Variants in DCLRE1C observed in about 807,000 individuals in gnomAD.
DCLRE1C encodes protein artemis.
In DCLRE1C, 47 loss-of-function variants were observed where a neutral mutation model predicts 61.4. That is an observed-to-expected ratio of 0.77 (90% CI 0.61 to 0.98). The LOEUF (loss-of-function observed/expected upper bound fraction) is 0.98. Among genes scored for constraint, DCLRE1C ranks in the 50% least tolerant of loss-of-function variants. DCLRE1C has a pLI of 0.00. For synonymous variants in DCLRE1C, 337 were observed against 287.6 expected (o/e 1.17, Z -1.74); for missense variants, 858 against 816.0 (o/e 1.05, Z -0.63).
At chr10:14,923,610 C>T (rs1837486326) in intron 11 of DCLRE1C, 1 of 157,000 alleles carries the variant, frequency 6.4e-6, no homozygotes, top group African/African-American at 2.4e-5. Context: ...TGAGGCCAGC[C>T]TGGGCAACAC....
At chr10:14,904,356 A>G (rs1418420742), downstream of DCLRE1C, 5 of 146,932 alleles carry the variant, frequency 3.4e-5, no homozygotes, top group Non-Finnish European at 1.5e-5. Context: ...GAATGTGTCA[A>G]CAAAAAATAC....
intron 9 of DCLRE1C, 127 bp from the exon 10 acceptor site, chr10:14,928,279 CA>C: frequency 1.2e-6 from 1 of 824,734 alleles, no homozygotes; most frequent in Non-Finnish European, 1.9e-6. Flanking sequence ...AAAAAAGCAG[CA>C]AAACAATGTA....
intron 3 of DCLRE1C, 25 bp from the exon 4 acceptor site, chr10:14,939,894 T>G (rs1339140195): frequency 6.4e-7 from 1 of 1,556,550 alleles, no homozygotes; most frequent in Admixed American, 1.7e-5. Context: ...TAAGAGACCA[T>G]GTATATAGCA....
chr10:14,938,869 G>C (rs1387503261), intron 4 of DCLRE1C, among the ~76,000 whole-genome samples: 1 of 152,078 alleles, frequency 6.6e-6, no homozygotes, highest in Non-Finnish European at 1.5e-5. Context: ...ATGTAATAAG[G>C]AACAAATGTG....
intron 13 of DCLRE1C, among the ~76,000 whole-genome samples, chr10:14,918,963 T>C (rs1284826913): frequency 6.6e-6 from 1 of 152,208 alleles, no homozygotes; most frequent in African/African-American, 2.4e-5. Context: ...CTCATCATTA[T>C]AATTGGGATG....
At chr10:14,941,312 T>G (rs1465719707) in intron 3 of DCLRE1C, among the ~76,000 whole-genome samples, 1 of 152,218 alleles carries the variant, frequency 6.6e-6, no homozygotes, top group Non-Finnish European at 1.5e-5. Context: ...TGAGACAGGC[T>G]CTCGCTGTGT....
chr10:14,939,103 C>A (rs919107104), intron 4 of DCLRE1C, among the ~76,000 whole-genome samples: 3 of 152,066 alleles, frequency 2.0e-5, no homozygotes, highest in Non-Finnish European at 4.4e-5. Flanking sequence ...TTGTCTGCCC[C>A]TTTACTATGG....
At chr10:14,936,744 G>A (rs1589080177) in intron 4 of DCLRE1C, 151 bp from the exon 5 acceptor site, 1 of 643,026 alleles carries the variant, frequency 1.6e-6, no homozygotes, top group Non-Finnish European at 2.8e-6. Context: ...CTAGAAACAA[G>A]TGGAATCCTT....
exon 14 of DCLRE1C, chr10:14,898,062 A>C (rs1833712650): frequency 6.6e-6 from 1 of 151,106 alleles, no homozygotes; most frequent in Non-Finnish European, 1.5e-5. Context: ...AATACTAGCA[A>C]ATTTATTTGT....
chr10:14,941,523 A>G (rs1422249477), intron 3 of DCLRE1C, among the ~76,000 whole-genome samples: 1 of 152,188 alleles, frequency 6.6e-6, no homozygotes, highest in Non-Finnish European at 1.5e-5. Flanking sequence ...CTGGACTCAC[A>G]CAATTGTCCC....
At chr10:14,932,736 G>A (rs4477354) in intron 9 of DCLRE1C, 118 bp downstream of exon 9, 21 of 1,200,034 alleles carry the variant, frequency 1.7e-5, no homozygotes, top group Non-Finnish European at 2.3e-5. Flanking sequence ...TAACAACTTA[G>A]GATTGCAGCC....
chr10:14,919,255 C>A (rs942291779), intron 13 of DCLRE1C, among the ~76,000 whole-genome samples: 2 of 152,060 alleles, frequency 1.3e-5, no homozygotes, highest in African/African-American at 4.8e-5. Flanking sequence ...CTAGAAAAAT[C>A]AAAGTAGCAA....
intron 2 of DCLRE1C, chr10:14,945,570 A>G: frequency 2.9e-6 from 3 of 1,047,560 alleles, no homozygotes; most frequent in Non-Finnish European, 3.5e-6. Flanking sequence ...GTGTGTCTGG[A>G]AAGATACCGC....
chr10:14,928,183 T>C (rs1838340737), intron 9 of DCLRE1C, 31 bp from the exon 10 acceptor site: 3 of 1,599,652 alleles, frequency 1.9e-6, no homozygotes, highest in Non-Finnish European at 8.6e-7. Context: ...AGAAAAACAG[T>C]TCTACATTTT....
At position 14,935,396 on chromosome 10, in the gene DCLRE1C, G is replaced by A. The variant is rs1457661489; in HGVS notation, c.464+67C>T. The A allele has an allele frequency of 1.8e-5, 28 of 1,543,720 alleles. No homozygotes were observed. The East Asian group carries it at 2.5e-4, about 14-fold the overall frequency. ...CAGGAGAATCGCTTGAACTCTGGGC[G>A]ACACAGCAAGACTCCATTTCACAAA... On this transcript the variant is annotated intron_variant, in intron 6 of 13. Transcript: ENST00000378278.
intron 4 of DCLRE1C, among the ~76,000 whole-genome samples, chr10:14,938,102 T>C (rs1020166515): frequency 2.0e-5 from 3 of 152,060 alleles, no homozygotes; most frequent in Admixed American, 6.6e-5. Flanking sequence ...TGGAGGACCC[T>C]TTCGAGTGGG....
chr10:14,936,642 G>C (rs781230339), intron 4 of DCLRE1C, 49 bp from the exon 5 acceptor site: 187 of 1,343,486 alleles, frequency 1.4e-4, no homozygotes, highest in Non-Finnish European at 1.9e-4. Context: ...GTTATCATTA[G>C]GACCTAGCTC....
intron 12 of DCLRE1C, chr10:14,920,425 C>T (rs529455824): frequency 1.5e-5 from 15 of 1,009,770 alleles, no homozygotes; most frequent in East Asian, 9.8e-5. Context: ...TGGCAGATTC[C>T]GGGAAGCCTT....
intron 13 of DCLRE1C, among the ~76,000 whole-genome samples, chr10:14,917,054 G>T (rs534792760): frequency 1.4e-4 from 22 of 152,324 alleles, no homozygotes; most frequent in African/African-American, 5.3e-4. Context: ...TGTCAAGATA[G>T]AGATTATGAA....
Sources: allele counts gnomAD v4.1 joint callset (sites outside exome capture counted in the v4.1 genomes callset), GRCh38; gene constraint gnomAD v4.1.1; transcripts MANE v1.5; gene names NCBI Gene and HGNC (gene_info 2026-07-23, HGNC 2026-07-21).